EXOC4: variants seen among roughly 807,000 people sequenced by gnomAD.
The protein encoded by EXOC4 is SEC8-like 1.
In EXOC4, 71 loss-of-function variants were observed where a neutral mutation model predicts 107.2. That is an observed-to-expected ratio of 0.66 (90% CI 0.55 to 0.81). The LOEUF is 0.81. Ranked by LOEUF, EXOC4 falls within the 30% of genes least tolerant of loss-of-function variation. EXOC4 has a pLI of 0.00. For missense variants in EXOC4, 1,108 were observed against 1,189.6 expected (o/e 0.93, Z 1.01); for synonymous variants, 456 against 441.2 (o/e 1.03, Z -0.42).
At chr7:133,776,374 A>G (rs975536914) in intron 10 of EXOC4, among the ~76,000 whole-genome samples, 1 of 152,096 alleles carries the variant, frequency 6.6e-6, no homozygotes, top group Non-Finnish European at 1.5e-5. Flanking sequence ...TCGGTTCCAT[A>G]TTAATTTATT....
chr7:134,067,638 T>TAC (rs60853968), downstream of EXOC4, among the ~76,000 whole-genome samples: 5 of 132,146 alleles, frequency 3.8e-5, no homozygotes, highest in South Asian at 5.2e-4. Context: ...TATATATATA[T>TAC]ACACACACAC....
chr7:133,261,614 T>C (rs893009290), intron 1 of EXOC4, among the ~76,000 whole-genome samples: 3 of 152,180 alleles, frequency 2.0e-5, no homozygotes, highest in Non-Finnish European at 2.9e-5. Context: ...ATTTTTGTAT[T>C]CCACTATTCT....
At chr7:133,594,508 T>TTTTTTTTTTTTTTTTTA (rs1801620385) in intron 9 of EXOC4, among the ~76,000 whole-genome samples, 1 of 142,844 alleles carries the variant, frequency 7.0e-6, no homozygotes, top group Non-Finnish European at 1.5e-5. Context: ...TTTTTTTTTT[T>TTTTTTTTTTTTTTTTTA]TTTTTGAGAC....
At chr7:133,689,742 G>C (rs1336191359) in intron 10 of EXOC4, among the ~76,000 whole-genome samples, 1 of 152,210 alleles carries the variant, frequency 6.6e-6, no homozygotes, top group Non-Finnish European at 1.5e-5. Flanking sequence ...AGAACCCAAG[G>C]TCAGGGACCT....
intron 10 of EXOC4, among the ~76,000 whole-genome samples, chr7:133,636,017 T>C (rs1802698436): frequency 6.6e-6 from 1 of 152,190 alleles, no homozygotes; most frequent in Admixed American, 6.5e-5. Context: ...AAAGGAGTTT[T>C]GTGCATTGTA....
intron 11 of EXOC4, among the ~76,000 whole-genome samples, chr7:133,877,349 C>T (rs537321275): frequency 3.9e-5 from 6 of 152,080 alleles, no homozygotes; most frequent in East Asian, 1.9e-4. Flanking sequence ...GCTAGACATG[C>T]GAGGTTTTTT....
chr7:133,436,176 G>A (rs1244227093), intron 7 of EXOC4, among the ~76,000 whole-genome samples: 4 of 151,760 alleles, frequency 2.6e-5, no homozygotes, highest in African/African-American at 4.8e-5. Flanking sequence ...GCAAACTAAC[G>A]ATATGAACTG....
At chr7:133,326,439 A>G (rs1038114885) in intron 5 of EXOC4, among the ~76,000 whole-genome samples, 3 of 152,172 alleles carry the variant, frequency 2.0e-5, no homozygotes, top group Admixed American at 6.5e-5. Flanking sequence ...CAGGACCCTG[A>G]GCTGCAGGTC....
At chr7:133,451,404 C>G (rs1798344084) in intron 7 of EXOC4, among the ~76,000 whole-genome samples, 2 of 151,924 alleles carry the variant, frequency 1.3e-5, no homozygotes, top group African/African-American at 2.4e-5. Flanking sequence ...ATCTTATTTT[C>G]TTTAGCTCTA....
At chr7:133,585,520 G>C (rs994207527) in intron 9 of EXOC4, among the ~76,000 whole-genome samples, 1 of 151,952 alleles carries the variant, frequency 6.6e-6, no homozygotes, top group Non-Finnish European at 1.5e-5. Flanking sequence ...CCAGTTACTC[G>C]GAAGGCTGGG....
chr7:133,347,522 G>A (rs1038818150), intron 5 of EXOC4, among the ~76,000 whole-genome samples: 2 of 152,154 alleles, frequency 1.3e-5, no homozygotes, highest in South Asian at 2.1e-4. Flanking sequence ...GATTACAGGC[G>A]TGAGCCACCA....
At chr7:133,365,179 T>C (rs1318587332) in intron 6 of EXOC4, among the ~76,000 whole-genome samples, 2 of 152,180 alleles carry the variant, frequency 1.3e-5, no homozygotes, top group African/African-American at 4.8e-5. Context: ...GGGGCATTCT[T>C]GTACTAGGAA....
intron 10 of EXOC4, among the ~76,000 whole-genome samples, chr7:133,764,818 T>C (rs1233624197): frequency 6.6e-6 from 1 of 152,024 alleles, no homozygotes; most frequent in Non-Finnish European, 1.5e-5. Flanking sequence ...CTGTTATACA[T>C]ATGTACAGAT....
chr7:133,281,855 C>T (rs765211298), intron 2 of EXOC4, among the ~76,000 whole-genome samples: 27 of 152,090 alleles, frequency 1.8e-4, no homozygotes, highest in Non-Finnish European at 2.5e-4. Context: ...GTACCCACCA[C>T]CACACCTGGC....
chr7:133,949,928 G>A (rs935988352), intron 14 of EXOC4, among the ~76,000 whole-genome samples: 42 of 152,098 alleles, frequency 2.8e-4, no homozygotes, highest in Non-Finnish European at 2.9e-5. Flanking sequence ...TATTGGCAAT[G>A]TCTGTATTAA....
chr7:133,698,659 C>A (rs1794591970), intron 10 of EXOC4, among the ~76,000 whole-genome samples: 1 of 151,716 alleles, frequency 6.6e-6, no homozygotes, highest in Admixed American at 6.6e-5. Flanking sequence ...ATAACTATTT[C>A]TTAAACTTAC....
chr7:133,994,427 C>G (rs1794334794), intron 14 of EXOC4, among the ~76,000 whole-genome samples: 1 of 152,104 alleles, frequency 6.6e-6, no homozygotes, highest in Non-Finnish European at 1.5e-5. Context: ...AGATGATGGG[C>G]TGATAGGTGC....
intron 14 of EXOC4, among the ~76,000 whole-genome samples, chr7:133,983,917 G>C (rs1223208842): frequency 6.6e-6 from 1 of 152,112 alleles, no homozygotes; most frequent in Non-Finnish European, 1.5e-5. Flanking sequence ...ATATCCGGCA[G>C]GAGCTGAATT....
At chr7:133,558,556 C>T (rs1481352871) in intron 9 of EXOC4, among the ~76,000 whole-genome samples, 3 of 152,060 alleles carry the variant, frequency 2.0e-5, no homozygotes, top group Admixed American at 1.3e-4. Flanking sequence ...CTACTCCCTC[C>T]TTTAATGTAG....
Sources: gnomAD v4.1 joint callset for allele counts (sites outside exome capture counted in the v4.1 genomes callset) on GRCh38, gnomAD v4.1.1 for gene constraint, MANE v1.5 for transcripts, NCBI Gene and HGNC (gene_info 2026-07-23, HGNC 2026-07-21) for gene names.